SDK1: variants seen among roughly 807,000 people sequenced by gnomAD.
SDK1 encodes the protein sidekick cell adhesion molecule 1, also known as protein sidekick-1.
In SDK1, 157 loss-of-function variants were observed where a neutral mutation model predicts 245.5. The ratio of observed to expected loss-of-function variants is 0.64; its 90% CI spans 0.56 to 0.73. SDK1 has a LOEUF of 0.73. Ranked by LOEUF, SDK1 falls within the 30% of genes least tolerant of loss-of-function variation. The pLI, the probability that SDK1 is intolerant of heterozygous loss-of-function variation, is 0.00. For synonymous variants in SDK1, 1,647 were observed against 1,278.5 expected (o/e 1.29, Z -6.15); for missense variants, 3,583 against 3,002.3 (o/e 1.19, Z -4.52).
At chr7:4,162,845 A>G (rs1205097176) in intron 32 of SDK1, among the ~76,000 whole-genome samples, 3 of 152,200 alleles carry the variant, frequency 2.0e-5, no homozygotes, top group East Asian at 1.9e-4. Flanking sequence ...CTTAGTTTCA[A>G]TTTTGGGCAA....
At chr7:3,701,146 A>T (rs1469236053) in intron 4 of SDK1, among the ~76,000 whole-genome samples, 1 of 152,220 alleles carries the variant, frequency 6.6e-6, no homozygotes, top group African/African-American at 2.4e-5. Context: ...TCACATTTCT[A>T]TACAGTAGCA....
chr7:3,346,807 G>GTATATATATA (rs778210658), intron 1 of SDK1, among the ~76,000 whole-genome samples: 1 of 42,250 alleles, frequency 2.4e-5, no homozygotes, highest in Non-Finnish European at 4.0e-5. Context: ...GTGTGTGTGT[G>GTATATATATA]TATATATATA....
chr7:3,901,236 G>A (rs1369744978), intron 5 of SDK1, among the ~76,000 whole-genome samples: 2 of 151,904 alleles, frequency 1.3e-5, no homozygotes, highest in Admixed American at 1.3e-4. Context: ...CACCAAGCTG[G>A]AGTGTGGTGG....
At chr7:3,494,268 T>C (rs1416877840) in intron 1 of SDK1, among the ~76,000 whole-genome samples, 1 of 152,222 alleles carries the variant, frequency 6.6e-6, no homozygotes, top group African/African-American at 2.4e-5. Flanking sequence ...TTTGTTATTT[T>C]AATCCAGATT....
intron 43 of SDK1, among the ~76,000 whole-genome samples, chr7:4,245,163 C>T (rs574252724): frequency 7.9e-5 from 12 of 152,238 alleles, no homozygotes; most frequent in African/African-American, 2.4e-4. Flanking sequence ...CTTAGAATTC[C>T]ACCAGCCAGA....
chr7:4,243,173 CT>C (rs1786637282), intron 43 of SDK1, among the ~76,000 whole-genome samples: 1 of 152,238 alleles, frequency 6.6e-6, no homozygotes, highest in Non-Finnish European at 1.5e-5. Flanking sequence ...GCAACTCTGT[CT>C]TCTGAGTTCT....
intron 4 of SDK1, among the ~76,000 whole-genome samples, chr7:3,761,959 G>C (rs1462669935): frequency 6.6e-6 from 1 of 152,110 alleles, no homozygotes; most frequent in Non-Finnish European, 1.5e-5. Context: ...CATATGACAA[G>C]CCTTTAGCTG....
At chr7:3,568,325 A>G (rs1396114598) in intron 1 of SDK1, among the ~76,000 whole-genome samples, 2 of 152,194 alleles carry the variant, frequency 1.3e-5, no homozygotes, top group African/African-American at 4.8e-5. Context: ...CTCCCTCCAG[A>G]TGAAAATAAT....
At chr7:3,937,704 C>T (rs1780208968) in intron 5 of SDK1, among the ~76,000 whole-genome samples, 2 of 152,192 alleles carry the variant, frequency 1.3e-5, no homozygotes, top group Admixed American at 6.5e-5. Flanking sequence ...AGGACCAAGG[C>T]TTCAAAGGCC....
At chr7:4,091,682 A>G (rs117237997) in intron 22 of SDK1, among the ~76,000 whole-genome samples, 4 of 152,084 alleles carry the variant, frequency 2.6e-5, no homozygotes, top group Non-Finnish European at 4.4e-5. Flanking sequence ...ATGAGCAGGC[A>G]TCTCTTTAAA....
At chr7:4,063,897 C>A (rs545235348) in intron 19 of SDK1, among the ~76,000 whole-genome samples, 1 of 152,154 alleles carries the variant, frequency 6.6e-6, no homozygotes, top group South Asian at 2.1e-4. Flanking sequence ...ATTGGATATC[C>A]ATATGCAGAA....
At chr7:3,505,079 T>C (rs1429121848) in intron 1 of SDK1, among the ~76,000 whole-genome samples, 3 of 152,200 alleles carry the variant, frequency 2.0e-5, no homozygotes, top group African/African-American at 4.8e-5. Flanking sequence ...ATTAGAAAAA[T>C]TGTACTTAAA....
rs528012249 is a variant in SDK1, at chr7:3,951,011, C to G, written c.936C>G (p.Thr312=). Residue 312 remains threonine, a synonymous_variant, in exon 6 of 45, where the codon ACC becomes ACG. Transcript: ENST00000404826. ...RSVVAGSSET[T]LECIASARPV... is the part of the protein sequence containing the mutation. ...TGGTGGCTGGATCCAGTGAGACCAC[C>G]TTGGAATGTATAGCCAGTGCCAGGT... The G allele has an allele frequency of 8.1e-6, 13 of 1,613,576 alleles. No individual in the cohort carries two copies. In the East Asian group the frequency reaches 2.7e-4, roughly 33 times the overall value.
At position 4,265,594 on chromosome 7, in the gene SDK1, GT is replaced by G; in HGVS notation, c.*213del. ...TTTGTAACTTCGCTGCAGGAAGCAG[GT>G]TTGTTTCTTTTTCTTTTCTTTTTAA... On this transcript the variant is annotated 3_prime_UTR_variant, in exon 45 of 45. Coordinates refer to ENST00000404826, the MANE Select transcript of SDK1 (RefSeq NM_152744.4). 1 of 1,340,190 alleles carries G rather than the reference GT, an allele frequency of 7.5e-7. No individual in the cohort carries two copies. The highest frequency in any genetic ancestry group is 9.5e-7 in the Non-Finnish European group (1 of 1,055,262). The allele number at this position is 1,340,190 out of a possible 1,614,324, so 83.0% of individuals were successfully genotyped here. A position where few individuals can be genotyped will look rare whatever the true frequency, so the allele number is the denominator to read the frequency against.
intron 5 of SDK1, among the ~76,000 whole-genome samples, chr7:3,836,530 A>G (rs6462361): frequency 0.2 from 31,083 of 152,080 alleles, 3,349 homozygotes; most frequent in Middle Eastern, 0.37. Flanking sequence ...GGTTGGTGGA[A>G]ACAAAAGACA....
intron 1 of SDK1, chr7:3,338,647 A>G: frequency 4.9e-6 from 1 of 204,878 alleles, no homozygotes; most frequent in Non-Finnish European, 9.8e-6. Context: ...AAAACACCAA[A>G]ACAAGAAAAT....
Position 3,703,115 on chromosome 7 carries a change from C to A in SDK1, c.713+61010C>A, listed in dbSNP as rs114195410. 1.1e-3 allele frequency among the ~76,000 whole-genome samples: 157 copies of A among 148,856 alleles called. 1 individual carries two copies. Among genetic ancestry groups the A allele is most frequent in the African/African-American group, 3.8e-3 (152 of 40,440 alleles). Reference sequence around the variant, plus strand: ...GACGATACGACTTAGTTCTCCTGAACGTTTGTCCCAGAGAAATGAAAACCT... The same window carrying A: ...GACGATACGACTTAGTTCTCCTGAAAGTTTGTCCCAGAGAAATGAAAACCT... On this transcript the variant is annotated intron_variant, in intron 4 of 44. Coordinates refer to ENST00000404826, the MANE Select transcript of SDK1 (RefSeq NM_152744.4).
intron 17 of SDK1, among the ~76,000 whole-genome samples, chr7:4,022,837 G>A (rs192768194): frequency 1.7e-4 from 26 of 149,418 alleles, no homozygotes; most frequent in African/African-American, 4.5e-4. Flanking sequence ...GCAGTGGCGC[G>A]ATCTCGGCTC....
At chr7:4,079,364 G>A (rs1030091894) in intron 21 of SDK1, 99 bp from the exon 22 acceptor site, 45 of 1,421,690 alleles carry the variant, frequency 3.2e-5, no homozygotes, top group Middle Eastern at 3.6e-4. Flanking sequence ...GTATAGAATC[G>A]TTTTGAAACT....
Sources: allele counts gnomAD v4.1 joint callset (sites outside exome capture counted in the v4.1 genomes callset), GRCh38; gene constraint gnomAD v4.1.1; transcripts MANE v1.5; gene names NCBI Gene and HGNC (gene_info 2026-07-23, HGNC 2026-07-21).